MAPK10: variants seen among roughly 807,000 people sequenced by gnomAD.
The protein encoded by MAPK10 is mitogen-activated protein kinase 10, also known as JNK3 alpha protein kinase.
Under a neutral mutation model 59.3 loss-of-function variants are expected in MAPK10, and 25 were observed. The observed-to-expected ratio is 0.42, with a 90% CI of 0.31 to 0.59. The LOEUF is 0.59. MAPK10 is among the 20% of genes least tolerant of loss of function. The pLI is 0.15. For synonymous variants in MAPK10, 190 were observed against 200.5 expected, an observed-to-expected ratio of 0.95 and a Z score of 0.44; for missense variants, 351 against 568.9, an observed-to-expected ratio of 0.62 and a Z score of 3.90.
intron 1 of MAPK10, among the ~76,000 whole-genome samples, chr4:86,393,366 TA>T (rs1366477359): frequency 2.6e-5 from 4 of 151,958 alleles, no homozygotes; most frequent in Non-Finnish European, 5.9e-5. Flanking sequence ...ATAACTATTG[TA>T]AACAAAAAGA....
At chr4:86,430,906 G>A (rs554264052) in intron 1 of MAPK10, among the ~76,000 whole-genome samples, 1 of 152,266 alleles carries the variant, frequency 6.6e-6, no homozygotes, top group South Asian at 2.1e-4. Flanking sequence ...ATTTGAGGCA[G>A]TTGTGTGAAA....
intron 1 of MAPK10, among the ~76,000 whole-genome samples, chr4:86,480,636 C>CT (rs1753533339): frequency 6.6e-6 from 1 of 152,148 alleles, no homozygotes; most frequent in African/African-American, 2.4e-5. Flanking sequence ...TAGCCAAGGA[C>CT]TTTAACATTC....
intron 1 of MAPK10, among the ~76,000 whole-genome samples, chr4:86,422,373 G>A (rs971917996): frequency 6.6e-6 from 1 of 152,162 alleles, no homozygotes; most frequent in African/African-American, 2.4e-5. Context: ...AGAAGGCAAT[G>A]CCTAACATGT....
intron 4 of MAPK10, among the ~76,000 whole-genome samples, chr4:86,112,510 G>A (rs116175841): frequency 4.6e-5 from 7 of 152,172 alleles, no homozygotes; most frequent in South Asian, 2.1e-4. Flanking sequence ...CACCTTTCTC[G>A]TAGTTGTGTG....
intron 9 of MAPK10, chr4:86,081,165 T>C (rs1320889526): frequency 1.3e-5 from 2 of 151,928 alleles, no homozygotes; most frequent in African/African-American, 4.8e-5. Flanking sequence ...TATAGATCTG[T>C]GAAGAAAGAG....
At chr4:86,067,211 G>A (rs530973597) in intron 10 of MAPK10, among the ~76,000 whole-genome samples, 19 of 152,144 alleles carry the variant, frequency 1.2e-4, no homozygotes, top group Admixed American at 6.5e-4. Context: ...GCCCGATCTC[G>A]GCTCACTGCA....
In MAPK10 at chr4:86,089,314, C is replaced by G. The variant is rs758104885; in HGVS notation, c.802+9210G>C. 6 of 1,382,962 alleles carry G rather than the reference C, an allele frequency of 4.3e-6. 1 individual carries two copies. The African/African-American group carries it at 8.5e-5, about 20-fold the overall frequency. 85.7% of individuals were successfully genotyped at this position (1,382,962 alleles called of 1,614,324 possible). ...AATGAAATGAAGATAAACAAGAACA[C>G]AGGAATAGAACAACAAATAAATGAA... On this transcript the variant is annotated intron_variant, in intron 9 of 13. Coordinates refer to ENST00000641462, the MANE Select transcript of MAPK10 (RefSeq NM_138982.4).
At chr4:86,147,606 T>C (rs2065321892) in intron 4 of MAPK10, among the ~76,000 whole-genome samples, 1 of 152,186 alleles carries the variant, frequency 6.6e-6, no homozygotes. Flanking sequence ...TTTATCTCTC[T>C]TACATTGACA....
intron 1 of MAPK10, among the ~76,000 whole-genome samples, chr4:86,569,082 G>A (rs1398508494): frequency 6.6e-6 from 1 of 151,716 alleles, no homozygotes; most frequent in Non-Finnish European, 1.5e-5. Flanking sequence ...AATCTACAAG[G>A]AATACAAACA....
At chr4:86,256,454 T>A (rs7670728) in intron 2 of MAPK10, among the ~76,000 whole-genome samples, 12,759 of 152,152 alleles carry the variant, frequency 0.084, 1,177 homozygotes, top group African/African-American at 0.23. Flanking sequence ...ACCAACATTC[T>A]CTTTCTGTTT....
At chr4:86,177,197 T>C (rs1438542322) in intron 3 of MAPK10, among the ~76,000 whole-genome samples, 1 of 152,082 alleles carries the variant, frequency 6.6e-6, no homozygotes, top group Non-Finnish European at 1.5e-5. Context: ...CCTTAAGCCA[T>C]ATGTGTATCA....
chr4:86,196,651 T>C (rs1452859365), intron 2 of MAPK10, among the ~76,000 whole-genome samples: 1 of 152,202 alleles, frequency 6.6e-6, no homozygotes, highest in Non-Finnish European at 1.5e-5. Context: ...ATGTCCTGAA[T>C]GGTATTGCCT....
At chr4:86,315,699 T>A (rs1226012973) in intron 2 of MAPK10, among the ~76,000 whole-genome samples, 2 of 152,260 alleles carry the variant, frequency 1.3e-5, no homozygotes, top group African/African-American at 4.8e-5. Context: ...GTTAATTTTA[T>A]TTATGTGTAT....
At position 86,340,140 on chromosome 4, in the gene MAPK10, C is replaced by T. The variant is rs149849277; in HGVS notation, c.-7+14390G>A. ...AGGCATAGTTCTAATAACTTTACAA[C>T]TCTTTCCTCAATTAATTATCACAGC... On this transcript the variant is annotated intron_variant, in intron 2 of 13. Transcript: ENST00000641462. Among the ~76,000 whole-genome samples, 618 of 152,334 alleles carry T rather than the reference C, an allele frequency of 4.1e-3. 1 individual carries two copies. The highest frequency in any genetic ancestry group is 0.014 in the African/African-American group (588 of 41,568).
intron 11 of MAPK10, among the ~76,000 whole-genome samples, chr4:86,045,119 G>C (rs551360574): frequency 5.9e-5 from 9 of 152,112 alleles, no homozygotes; most frequent in African/African-American, 2.2e-4. Context: ...CCAGTGGTTT[G>C]GCAAAGAAGT....
At chr4:86,440,876 A>C (rs1224146914) in intron 1 of MAPK10, among the ~76,000 whole-genome samples, 3 of 152,200 alleles carry the variant, frequency 2.0e-5, no homozygotes, top group Non-Finnish European at 4.4e-5. Flanking sequence ...CAGAGTAACA[A>C]ATATAATAAT....
intron 11 of MAPK10, among the ~76,000 whole-genome samples, chr4:86,046,544 T>C (rs1157082519): frequency 1.3e-5 from 2 of 152,144 alleles, no homozygotes; most frequent in South Asian, 2.1e-4. Context: ...CAGTATATAG[T>C]ACATAGTAGA....
chr4:86,364,309 G>C (rs1000245745), upstream of MAPK10, among the ~76,000 whole-genome samples: 1 of 151,706 alleles, frequency 6.6e-6, no homozygotes, highest in African/African-American at 2.4e-5. Flanking sequence ...TTGTGTTTTT[G>C]GTAGAGACAG....
chr4:86,420,659 T>C (rs1368553768), intron 1 of MAPK10, among the ~76,000 whole-genome samples: 2 of 152,020 alleles, frequency 1.3e-5, no homozygotes, highest in African/African-American at 2.4e-5. Context: ...CATGGTAGCA[T>C]ACATCTGTAG....
Sources: allele counts gnomAD v4.1 joint callset (sites outside exome capture counted in the v4.1 genomes callset), GRCh38; gene constraint gnomAD v4.1.1; transcripts MANE v1.5; gene names NCBI Gene and HGNC (gene_info 2026-07-23, HGNC 2026-07-21).